The following VPS13D variants were observed in gnomAD, a reference collection of about 807,000 sequenced individuals.
The protein encoded by VPS13D is vacuolar protein sorting 13 homolog D.
Under a neutral mutation model 461.9 loss-of-function variants are expected in VPS13D, and 187 were observed. The ratio of observed to expected loss-of-function variants is 0.40; its 90% confidence interval spans 0.36 to 0.46. VPS13D has a LOEUF of 0.46. VPS13D is among the 20% of genes least tolerant of loss of function. The pLI, the probability that VPS13D is intolerant of heterozygous loss-of-function variation, is 0.60. For synonymous variants in VPS13D, 1,951 were observed against 1,986.3 expected (o/e 0.98, Z 0.47); for missense variants, 4,711 against 5,364.9 (o/e 0.88, Z 3.81).
chr1:12,467,027 A>G (rs985212159), intron 67 of VPS13D, among the ~76,000 whole-genome samples: 3 of 152,194 alleles, frequency 2.0e-5, no homozygotes, highest in Admixed American at 6.5e-5. Flanking sequence ...AGGTCCTTCC[A>G]GAGAATGCTT....
chr1:12,504,969 G>A (rs182627860), intron 68 of VPS13D, among the ~76,000 whole-genome samples: 73 of 152,332 alleles, frequency 4.8e-4, no homozygotes, highest in Non-Finnish European at 8.7e-4. Flanking sequence ...TGGGCAATGA[G>A]GTGGAAGTGC....
chr1:12,323,604 T>C, intron 34 of VPS13D, 102 bp from the exon 35 acceptor site: 6 of 1,138,912 alleles, frequency 5.3e-6, no homozygotes, highest in Non-Finnish European at 6.4e-6. Flanking sequence ...TGAAATGTTT[T>C]AGTCACGGGT....
rs761126840 is a variant in VPS13D at position 12,268,821 on chromosome 1, G to A, written c.1917G>A (p.Pro639=). ...STRPLNIIYN[P]QAIKKVADFF... ...GGCCCTTGAACATCATATACAATCCGCAGGCCATTAAAAAAGTAGCAGACT... is the reference window on the plus strand; with the variant it reads ...GGCCCTTGAACATCATATACAATCCACAGGCCATTAAAAAAGTAGCAGACT... Residue 639 remains proline (P), a synonymous_variant, in exon 16 of 70, where the codon CCG becomes CCA. Coordinates refer to ENST00000620676, the MANE Select transcript of VPS13D (RefSeq NM_015378.4). The A allele has an allele frequency of 5.0e-6, 8 of 1,613,366 alleles. No homozygotes were observed. In the African/African-American group the frequency reaches 5.3e-5, roughly 11 times the overall value.
At chr1:12,360,244 T>C (rs6660347) in intron 50 of VPS13D, among the ~76,000 whole-genome samples, 19,712 of 152,188 alleles carry the variant, frequency 0.13, 2,462 homozygotes, top group African/African-American at 0.33. Context: ...GGTCATGAAC[T>C]TTTGCCGTAT....
chr1:12,423,785 A>AG (rs1193434127), intron 65 of VPS13D, among the ~76,000 whole-genome samples: 1 of 152,154 alleles, frequency 6.6e-6, no homozygotes, highest in East Asian at 1.9e-4. Context: ...GACCTTGTTG[A>AG]GGAGAGAGGG....
chr1:12,365,750 G>C (rs1339127549), intron 52 of VPS13D, among the ~76,000 whole-genome samples: 1 of 151,404 alleles, frequency 6.6e-6, no homozygotes, highest in Non-Finnish European at 1.5e-5. Context: ...TGAAGTTAAA[G>C]AATCTGAAAT....
chr1:12,240,654 A>T (rs970752523), intron 2 of VPS13D, among the ~76,000 whole-genome samples: 4 of 151,558 alleles, frequency 2.6e-5, no homozygotes, highest in African/African-American at 9.7e-5. Context: ...CTTCAAAAGA[A>T]GAAACTATTT....
chr1:12,478,000 T>C lies in VPS13D; in HGVS notation c.12662+17604T>C, dbSNP rs76538345. Among the ~76,000 whole-genome samples the C allele has an allele frequency of 2.0e-3, 309 of 152,282 alleles. 6 individuals are homozygous for C. In the East Asian group the frequency reaches 0.052, roughly 26 times the overall value. On this transcript the variant is annotated intron_variant, in intron 67 of 69. Transcript: ENST00000620676. ...GTGCACTGTAGGAGGACTCAGCAGC[T>C]GTTTTATGGAAGGTTCGTCAGGGAT...
At chr1:12,336,566 A>G (rs915658306) in intron 39 of VPS13D, 1 of 152,236 alleles carries the variant, frequency 6.6e-6, no homozygotes. Context: ...TAGCTCATGA[A>G]TACTTAAATA....
intron 35 of VPS13D, among the ~76,000 whole-genome samples, chr1:12,324,337 T>C (rs1004395600): frequency 3.3e-5 from 5 of 152,048 alleles, no homozygotes; most frequent in Admixed American, 3.3e-4. Flanking sequence ...CGAAACCGCA[T>C]CTCTACTAAA....
chr1:12,461,046 G>A (rs1331393268), intron 67 of VPS13D, among the ~76,000 whole-genome samples: 2 of 152,174 alleles, frequency 1.3e-5, no homozygotes, highest in Admixed American at 1.3e-4. Context: ...AAACCCCACA[G>A]AACCCAACTG....
chr1:12,263,214 G>T (rs1287281438), intron 13 of VPS13D, among the ~76,000 whole-genome samples: 1 of 152,014 alleles, frequency 6.6e-6, no homozygotes, highest in Non-Finnish European at 1.5e-5. Flanking sequence ...TTAGCACTAG[G>T]GGCTTGTTTT....
intron 67 of VPS13D, chr1:12,478,747 A>G (rs1645670595): frequency 4.4e-6 from 2 of 453,700 alleles, no homozygotes; most frequent in Non-Finnish European, 4.4e-6. Context: ...CCCCCCGGCC[A>G]GAAACGGGAC....
chr1:12,278,188 G>A (rs1368677345), intron 19 of VPS13D, 150 bp downstream of exon 19: 1 of 790,886 alleles, frequency 1.3e-6, no homozygotes, highest in East Asian at 2.9e-5. Context: ...TTAATAGAAT[G>A]CCTTGTAGTA....
rs768878248 is a variant in VPS13D at position 12,415,240 on chromosome 1, A to G, written c.12165+19A>G. 1 of 1,613,736 alleles carries G rather than the reference A, an allele frequency of 6.2e-7. No homozygotes were observed. Among genetic ancestry groups the G allele is most frequent in the Admixed American group, 1.7e-5 (1 of 59,970 alleles). On this transcript the variant is annotated intron_variant, in intron 64 of 69. Coordinates refer to ENST00000620676, the MANE Select transcript of VPS13D (RefSeq NM_015378.4). ...CCAGGAGGTGAGGCTTGGAGAAGTA[A>G]TCATTGGCTGGAGCATAAGCAGAAT...
At chr1:12,342,800 A>C in intron 41 of VPS13D, 99 bp from the exon 42 acceptor site, 1 of 1,376,874 alleles carries the variant, frequency 7.3e-7, no homozygotes, top group Non-Finnish European at 9.7e-7. Context: ...ATTGCTGGGA[A>C]TTGAGTTGTG....
chr1:12,246,227 A>G (rs896289786), intron 5 of VPS13D, among the ~76,000 whole-genome samples: 3 of 152,142 alleles, frequency 2.0e-5, no homozygotes, highest in South Asian at 2.1e-4. Context: ...TTAGGATTCT[A>G]TCCTCCCTCA....
At chr1:12,381,570 A>C (rs899440865) in intron 57 of VPS13D, among the ~76,000 whole-genome samples, 4 of 152,240 alleles carry the variant, frequency 2.6e-5, no homozygotes, top group African/African-American at 9.6e-5. Flanking sequence ...TCGGCAGGCA[A>C]GATTGAAATC....
rs1205257273 is a variant in VPS13D, at chr1:12,451,118, G to T, written c.12334-4880G>T. Among the ~76,000 whole-genome samples, 3 of 152,194 alleles carry T rather than the reference G, an allele frequency of 2.0e-5. No homozygotes were observed. The East Asian group carries it at 5.8e-4, about 29-fold the overall frequency. On this transcript the variant is annotated intron_variant, in intron 65 of 69. Transcript: ENST00000620676. ...GGTAAACTGATCAGACAGAACAGAG[G>T]AACACAGTGTGAATTTTTTCCCTTG...
Sources: allele counts gnomAD v4.1 joint callset (sites outside exome capture counted in the v4.1 genomes callset), GRCh38; gene constraint gnomAD v4.1.1; transcripts MANE v1.5; gene names NCBI Gene and HGNC (gene_info 2026-07-23, HGNC 2026-07-21).